The following CEP112 variants were observed in gnomAD, a reference collection of about 807,000 sequenced individuals.
CEP112 encodes centrosomal protein 112.
CEP112 carries 127 observed loss-of-function variants against 153.0 expected under a neutral mutation model. That is an observed-to-expected ratio of 0.83 (90% confidence interval 0.72 to 0.96). CEP112 has a LOEUF of 0.96. CEP112 is among the 40% of genes least tolerant of loss of function. The probability of loss-of-function intolerance (pLI) is 0.00; values close to 1 mark genes in which losing one functional copy is unlikely to be tolerated. For missense variants in CEP112, 1,089 were observed against 1,101.2 expected (o/e 0.99, Z 0.16); for synonymous variants, 358 against 374.4 (o/e 0.96, Z 0.51).
At chr17:65,806,741 T>G (rs1002835581) in intron 21 of CEP112, among the ~76,000 whole-genome samples, 1 of 152,202 alleles carries the variant, frequency 6.6e-6, no homozygotes, top group Non-Finnish European at 1.5e-5. Flanking sequence ...CTGCCATGAT[T>G]GTAAGTTTCC....
intron 20 of CEP112, among the ~76,000 whole-genome samples, chr17:65,860,434 A>C (rs1466598398): frequency 6.6e-6 from 1 of 152,210 alleles, no homozygotes; most frequent in African/African-American, 2.4e-5. Flanking sequence ...GTACAGGGAC[A>C]AACATAGTAC....
intron 20 of CEP112, among the ~76,000 whole-genome samples, chr17:65,894,351 G>A (rs1470317359): frequency 6.6e-6 from 1 of 152,004 alleles, no homozygotes; most frequent in East Asian, 1.9e-4. Flanking sequence ...AATTGTTTTT[G>A]AGGAGTCTAG....
At chr17:65,699,348 C>A (rs774960917) in intron 23 of CEP112, among the ~76,000 whole-genome samples, 6 of 152,168 alleles carry the variant, frequency 3.9e-5, no homozygotes, top group Non-Finnish European at 7.4e-5. Flanking sequence ...CATTAAAATT[C>A]TCAGATTTTT....
At chr17:65,843,806 T>C (rs1446671665) in intron 21 of CEP112, among the ~76,000 whole-genome samples, 1 of 152,200 alleles carries the variant, frequency 6.6e-6, no homozygotes, top group African/African-American at 2.4e-5. Flanking sequence ...AAACGTTTGA[T>C]GTGTTGGTAT....
At chr17:66,175,653 G>A (rs2072439230) in intron 3 of CEP112, among the ~76,000 whole-genome samples, 1 of 152,180 alleles carries the variant, frequency 6.6e-6, no homozygotes, top group African/African-American at 2.4e-5. Flanking sequence ...GGAATCCCTT[G>A]ATAAGGTGGG....
At chr17:66,169,408 C>G (rs183552799) in intron 4 of CEP112, among the ~76,000 whole-genome samples, 1 of 151,600 alleles carries the variant, frequency 6.6e-6, no homozygotes, top group African/African-American at 2.4e-5. Flanking sequence ...CTCGGCCTCC[C>G]GAGTAGCTGG....
chr17:65,748,048 A>G (rs2051582625), intron 22 of CEP112, among the ~76,000 whole-genome samples: 1 of 152,194 alleles, frequency 6.6e-6, no homozygotes, highest in Non-Finnish European at 1.5e-5. Flanking sequence ...ACAAACTATC[A>G]CTTAAATATG....
intron 11 of CEP112, among the ~76,000 whole-genome samples, chr17:66,058,066 C>A (rs1001601175): frequency 6.7e-6 from 1 of 149,080 alleles, no homozygotes; most frequent in Non-Finnish European, 1.5e-5. Flanking sequence ...GCTCTCCAGC[C>A]TAGGTGACAG....
At chr17:65,714,647 C>T (rs890521594) in intron 23 of CEP112, among the ~76,000 whole-genome samples, 1 of 152,264 alleles carries the variant, frequency 6.6e-6, no homozygotes, top group Admixed American at 6.5e-5. Context: ...CTCCTAGCTT[C>T]ACCTCCATTT....
At chr17:66,010,088 C>A (rs1467192184) in intron 16 of CEP112, among the ~76,000 whole-genome samples, 1 of 152,076 alleles carries the variant, frequency 6.6e-6, no homozygotes, top group Non-Finnish European at 1.5e-5. Flanking sequence ...TCTTCCTATC[C>A]ATGAGGATGA....
intron 18 of CEP112, among the ~76,000 whole-genome samples, chr17:65,952,016 A>G (rs2061852593): frequency 6.6e-6 from 1 of 152,098 alleles, no homozygotes; most frequent in African/African-American, 2.4e-5. Flanking sequence ...TTACTTTCCA[A>G]ATATGTGAGG....
intron 21 of CEP112, among the ~76,000 whole-genome samples, chr17:65,831,147 G>A (rs907535730): frequency 6.6e-6 from 1 of 152,214 alleles, no homozygotes. Flanking sequence ...ACATAAAGAT[G>A]CAAGGATTGT....
At chr17:65,898,753 A>G (rs1423886965) in intron 20 of CEP112, among the ~76,000 whole-genome samples, 3 of 152,146 alleles carry the variant, frequency 2.0e-5, no homozygotes, top group South Asian at 2.1e-4. Context: ...GTGATGCACA[A>G]TGGCTGCTGG....
intron 21 of CEP112, among the ~76,000 whole-genome samples, chr17:65,784,208 G>A (rs1389893871): frequency 6.6e-6 from 1 of 152,196 alleles, no homozygotes; most frequent in Non-Finnish European, 1.5e-5. Flanking sequence ...TGAACTAGGC[G>A]AGTAATGTTA....
intron 8 of CEP112, among the ~76,000 whole-genome samples, chr17:66,075,260 T>G (rs2067448222): frequency 1.3e-5 from 2 of 152,226 alleles, no homozygotes; most frequent in African/African-American, 2.4e-5. Flanking sequence ...CACAAGTGAT[T>G]GTAGGGTTAA....
chr17:65,870,069 G>GAAAGAAAGAAAGA (rs1568144314), intron 20 of CEP112, among the ~76,000 whole-genome samples: 34 of 142,946 alleles, frequency 2.4e-4, no homozygotes, highest in African/African-American at 3.9e-4. Flanking sequence ...AAGAAAGAAA[G>GAAAGAAAGAAAGA]AAAGAAAGAA....
chr17:65,973,771 C>A (rs4239078), intron 17 of CEP112, among the ~76,000 whole-genome samples: 62,867 of 151,866 alleles, frequency 0.41, 14,396 homozygotes, highest in East Asian at 0.87. Context: ...CAGGAGAGAA[C>A]AAGAGAACGT....
chr17:65,673,325 C>T (rs2047075170), intron 24 of CEP112, among the ~76,000 whole-genome samples: 1 of 152,070 alleles, frequency 6.6e-6, no homozygotes, highest in Non-Finnish European at 1.5e-5. Flanking sequence ...ATCTCTCTAG[C>T]CCCCCCGCCC....
intron 23 of CEP112, among the ~76,000 whole-genome samples, chr17:65,690,075 G>T (rs986832368): frequency 2.5e-5 from 3 of 121,012 alleles, no homozygotes; most frequent in Admixed American, 1.1e-4. Flanking sequence ...CAAGAATTAC[G>T]ATAGGTACTC....
Sources: allele counts gnomAD v4.1 joint callset (sites outside exome capture counted in the v4.1 genomes callset), GRCh38; gene constraint gnomAD v4.1.1; transcripts MANE v1.5; gene names NCBI Gene and HGNC (gene_info 2026-07-23, HGNC 2026-07-21).